The following KRT72 variants were observed in gnomAD, a reference collection of about 807,000 sequenced individuals.
KRT72 encodes keratin, type II cytoskeletal 72.
A neutral mutation model predicts 44.7 loss-of-function variants in KRT72; 44 were observed. The ratio of observed to expected loss-of-function variants is 0.98; its 90% confidence interval spans 0.77 to 1.27. The LOEUF (loss-of-function observed/expected upper bound fraction) is 1.27. KRT72 is among the 50% of genes most tolerant of loss of function. KRT72 has a pLI of 0.00. For synonymous variants in KRT72, 302 were observed against 280.4 expected (o/e 1.08, Z -0.77); for missense variants, 736 against 667.1 (o/e 1.10, Z -1.14).
At chr12:52,598,871 G>A (rs1267838225) in intron 2 of KRT72, 27 bp downstream of exon 2, 1 of 1,602,630 alleles carries the variant, frequency 6.2e-7, no homozygotes, top group Non-Finnish European at 8.6e-7. Flanking sequence ...AGATCCTCCA[G>A]GGCCATATTC....
chr12:52,586,012 G>C lies in KRT72; in HGVS notation c.1506C>G (p.Ser502Arg). 2 of 1,613,904 alleles carry C rather than the reference G, an allele frequency of 1.2e-6. No individual in the cohort carries two copies. Among genetic ancestry groups the C allele is most frequent in the Non-Finnish European group, 1.7e-6 (2 of 1,179,886 alleles). Residue 502 changes from serine (S) to arginine (R), a missense_variant, in exon 9 of 9, where the codon AGC becomes AGG. Coordinates refer to ENST00000293745, the MANE Select transcript of KRT72 (RefSeq NM_080747.3). The part of the protein sequence containing the change: ...LKDPLAKTSG[S>R]SCATKKASR ...TGGAGGCCTTTTTGGTGGCACAGCT[G>C]CTCCCCGAGGTTTTGGCAAGGGGAT...
chr12:52,599,737 A>T (rs1218687143), intron 1 of KRT72, among the ~76,000 whole-genome samples: 1 of 152,148 alleles, frequency 6.6e-6, no homozygotes, highest in Non-Finnish European at 1.5e-5. Flanking sequence ...GGCCTCTGGA[A>T]TAGCTGCTGT....
intron 6 of KRT72, 147 bp downstream of exon 6, chr12:52,590,689 C>G: frequency 1.5e-6 from 1 of 682,022 alleles, no homozygotes. Flanking sequence ...GCTGCTTTAT[C>G]CCTCCATATC....
chr12:52,591,337 G>T, intron 5 of KRT72, 127 bp downstream of exon 5: 1 of 968,456 alleles, frequency 1.0e-6, no homozygotes, highest in South Asian at 1.9e-5. Flanking sequence ...TCAAGACAAA[G>T]GAGGTCTTGA....
intron 8 of KRT72, among the ~76,000 whole-genome samples, chr12:52,586,738 C>T (rs1373079622): frequency 6.6e-6 from 1 of 152,152 alleles, no homozygotes; most frequent in Non-Finnish European, 1.5e-5. Context: ...ATCATTTGAT[C>T]TTTCTATAGG....
intron 1 of KRT72, 112 bp downstream of exon 1, chr12:52,600,915 G>T: frequency 1.8e-6 from 2 of 1,124,722 alleles, no homozygotes; most frequent in Non-Finnish European, 2.6e-6. Flanking sequence ...GAAAAGGGAG[G>T]CTCGGAGAGG....
At chr12:52,598,137 T>C (rs2120802919) in intron 2 of KRT72, among the ~76,000 whole-genome samples, 1 of 152,370 alleles carries the variant, frequency 6.6e-6, no homozygotes, top group East Asian at 1.9e-4. Flanking sequence ...CCTCACAATC[T>C]GTGTGCTCTC....
chr12:52,602,921 C>T (rs1180307449), upstream of KRT72, among the ~76,000 whole-genome samples: 2 of 152,104 alleles, frequency 1.3e-5, no homozygotes, highest in Non-Finnish European at 2.9e-5. Flanking sequence ...CATTGTTAAG[C>T]GCTGGAGATG....
intron 6 of KRT72, among the ~76,000 whole-genome samples, chr12:52,589,412 T>C (rs1030230238): frequency 2.0e-5 from 3 of 152,182 alleles, no homozygotes; most frequent in African/African-American, 4.8e-5. Context: ...GTAGAAGTTT[T>C]AATCATTCAT....
rs1168377132 is a variant in KRT72, at chr12:52,590,861, G to T, written c.1064C>A (p.Ser355Ter). The change falls in exon 6 of 9, where the codon TCA becomes TAA. Residue 355 changes from serine (S) to a stop codon, truncating the protein, a stop_gained. Coordinates refer to ENST00000293745, the MANE Select transcript of KRT72 (RefSeq NM_080747.3). LOFTEE classifies it high-confidence loss of function. ...CTGCTTCTTCACATTCCCTATCTCT[G>T]AGCGGATCCTCTGGATCAGGCGGTT... ...ELNRLIQRIR[S>*]EIGNVKKQCA... The T allele has an allele frequency of 6.3e-7, 1 of 1,594,470 alleles. No homozygotes were observed.
At position 52,592,402 on chromosome 12, in the gene KRT72, A is replaced by G. The variant is rs200584411; in HGVS notation, c.792T>C (p.Tyr264=). ...TDEIKFFKCL[Y]EGEITQIQSH... ...AGGTCAGCCAAGTCCTTACCCCTTC[A>G]TAAAGGCACTTGAAGAATTTAATCT... The change falls in exon 4 of 9, where the codon TAT becomes TAC. Residue 264 remains tyrosine (Y), a synonymous_variant. Transcript: ENST00000293745. The G allele has an allele frequency of 6.3e-5, 102 of 1,609,708 alleles. No individual in the cohort carries two copies. The East Asian group carries it at 2.2e-3, about 35-fold the overall frequency.
chr12:52,586,370 T>A (rs1015380529), intron 8 of KRT72, among the ~76,000 whole-genome samples, 198 bp from the exon 9 acceptor site: 1 of 152,254 alleles, frequency 6.6e-6, no homozygotes, highest in Admixed American at 6.5e-5. Context: ...TTCATGCACT[T>A]AGCCTCACAC....
intron 2 of KRT72, among the ~76,000 whole-genome samples, chr12:52,594,100 T>C (rs566069963): frequency 1.3e-5 from 2 of 152,372 alleles, no homozygotes; most frequent in East Asian, 3.9e-4. Flanking sequence ...TAGTAGCTTT[T>C]TTATTCATGT....
chr12:52,601,230 C>T lies in KRT72; in HGVS notation c.223G>A (p.Val75Met). ...CCGGCGCTGCCGAAGGCGGTGCCCA[C>T]GAAGCCGCCCAGGCGGCCGCCGCCC... Reference protein sequence around the residue: ...RRGGGRLGGFVGTAFGSAGLG... With the variant: ...RRGGGRLGGFMGTAFGSAGLG... Residue 75 changes from valine (V) to methionine (M), a missense_variant, in exon 1 of 9, where the codon GTG (valine) becomes ATG (methionine). By Grantham distance (21) the Val-to-Met change is conservative. Coordinates refer to ENST00000293745, the MANE Select transcript of KRT72 (RefSeq NM_080747.3). 1.3e-6 allele frequency: 2 copies of T among 1,596,600 alleles called. No homozygotes were observed. Among genetic ancestry groups the T allele is most frequent in the East Asian group, 4.5e-5 (2 of 44,224 alleles).
In KRT72 at chr12:52,585,615, A is replaced by G. The variant is rs1939705364; in HGVS notation, c.*367T>C. On this transcript the variant is annotated 3_prime_UTR_variant, in exon 9 of 9. Transcript: ENST00000293745. ...AGATTTAATCATTTATTGCAGAAGA[A>G]GCAGAGGACTGGACACAATCCCAAT... The G allele has an allele frequency of 5.5e-6, 1 of 182,100 alleles. No individual in the cohort carries two copies. The highest frequency in any genetic ancestry group is 1.8e-4 in the South Asian group (1 of 5,662). 11.3% of individuals were successfully genotyped at this position (182,100 alleles called of 1,614,324 possible). A position where few individuals can be genotyped will look rare whatever the true frequency, so the allele number is the denominator to read the frequency against.
Position 52,601,044 on chromosome 12 carries a change from C to A in KRT72, c.409G>T (p.Ala137Ser), listed in dbSNP as rs781213969. Reference protein sequence around the residue: ...EQIKALNNKFASFIDKVRFLE... With the variant: ...EQIKALNNKFSSFIDKVRFLE... ...GGACTCACCTTGTCGATGAAGGAGG[C>A]GAACTTGTTGTTTAGCGCCTTGATC... Residue 137 changes from alanine (A) to serine (S), a missense_variant, in exon 1 of 9, where the codon GCC (alanine) becomes TCC (serine). Ala to Ser is a moderately conservative substitution (Grantham distance 99). Coordinates refer to ENST00000293745, the MANE Select transcript of KRT72 (RefSeq NM_080747.3). 7 of 1,611,770 alleles carry A rather than the reference C, an allele frequency of 4.3e-6. No individual in the cohort carries two copies. The Admixed American group carries it at 1.0e-4, about 23-fold the overall frequency.
chr12:52,598,195 G>A (rs557785355), intron 2 of KRT72, among the ~76,000 whole-genome samples: 39 of 152,332 alleles, frequency 2.6e-4, no homozygotes, highest in African/African-American at 9.1e-4. Flanking sequence ...TCCATGCAGG[G>A]CTTGGGCCAG....
At chr12:52,588,439 G>A (rs1592222578) in intron 6 of KRT72, among the ~76,000 whole-genome samples, 1 of 152,204 alleles carries the variant, frequency 6.6e-6, no homozygotes, top group East Asian at 1.9e-4. Context: ...TTATAAGTGG[G>A]AGCTGAACAA....
At chr12:52,596,470 T>A (rs541411797) in intron 2 of KRT72, among the ~76,000 whole-genome samples, 1 of 152,336 alleles carries the variant, frequency 6.6e-6, no homozygotes, top group South Asian at 2.1e-4. Flanking sequence ...AGCAATACAT[T>A]TCGTTGTTTG....
Sources: allele counts gnomAD v4.1 joint callset (sites outside exome capture counted in the v4.1 genomes callset), GRCh38; gene constraint gnomAD v4.1.1; transcripts MANE v1.5; gene names NCBI Gene and HGNC (gene_info 2026-07-23, HGNC 2026-07-21).